The following CDH12 variants were observed in gnomAD, a reference collection of about 807,000 sequenced individuals.
CDH12 encodes cadherin-12.
CDH12 carries 41 observed loss-of-function variants against 74.1 expected under a neutral mutation model. The observed-to-expected ratio is 0.55, with a 90% CI of 0.43 to 0.72. CDH12 has a LOEUF of 0.72. Among genes scored for constraint, CDH12 ranks in the 30% least tolerant of loss-of-function variants. The pLI is 0.00. For missense variants in CDH12, 945 were observed against 977.2 expected, an observed-to-expected ratio of 0.97 and a Z score of 0.44; for synonymous variants, 399 against 355.0, an observed-to-expected ratio of 1.12 and a Z score of -1.39.
chr5:22,013,334 G>C (rs1737405586), intron 5 of CDH12, among the ~76,000 whole-genome samples: 1 of 151,988 alleles, frequency 6.6e-6, no homozygotes, highest in Non-Finnish European at 1.5e-5. Flanking sequence ...AACAGCAAGG[G>C]GCAAACCACC....
chr5:22,653,424 C>A (rs1046274649), intron 1 of CDH12, among the ~76,000 whole-genome samples: 1 of 151,460 alleles, frequency 6.6e-6, no homozygotes, highest in Non-Finnish European at 1.5e-5. Flanking sequence ...ACGACGGAGC[C>A]ATCGTTTGTG....
chr5:21,786,338 G>A (rs982696994), intron 10 of CDH12, among the ~76,000 whole-genome samples: 1 of 152,074 alleles, frequency 6.6e-6, no homozygotes, highest in South Asian at 2.1e-4. Flanking sequence ...ATTTTTAGTA[G>A]AGATGGGGTT....
At chr5:22,005,356 T>C (rs536629292) in intron 5 of CDH12, among the ~76,000 whole-genome samples, 2 of 152,286 alleles carry the variant, frequency 1.3e-5, no homozygotes, top group Admixed American at 6.5e-5. Context: ...GTATGTACCG[T>C]ATTTTCTTTA....
At chr5:22,670,438 A>G (rs914978271) in intron 1 of CDH12, among the ~76,000 whole-genome samples, 2 of 152,180 alleles carry the variant, frequency 1.3e-5, no homozygotes, top group Non-Finnish European at 2.9e-5. Flanking sequence ...TGCCTCTACC[A>G]CCTGCAGATA....
chr5:22,155,884 C>T (rs1312830242), intron 4 of CDH12, among the ~76,000 whole-genome samples: 2 of 151,938 alleles, frequency 1.3e-5, no homozygotes, highest in East Asian at 3.9e-4. Context: ...CTCATTCTGC[C>T]TTATGGCCAT....
chr5:21,911,164 T>C (rs1434557205), intron 6 of CDH12, among the ~76,000 whole-genome samples: 1 of 152,204 alleles, frequency 6.6e-6, no homozygotes, highest in Non-Finnish European at 1.5e-5. Flanking sequence ...TCTTCATTGA[T>C]GGCCATTACG....
intron 5 of CDH12, among the ~76,000 whole-genome samples, chr5:22,045,922 A>T (rs1739918872): frequency 6.6e-6 from 1 of 152,322 alleles, no homozygotes; most frequent in South Asian, 2.1e-4. Flanking sequence ...ATATTCCACA[A>T]TATCTAGAAG....
chr5:22,203,071 C>T (rs188200783), intron 4 of CDH12, among the ~76,000 whole-genome samples: 4,108 of 152,138 alleles, frequency 0.027, 85 homozygotes, highest in Non-Finnish European at 0.04. Flanking sequence ...ATTAGCATAT[C>T]CATCATTTCA....
chr5:22,062,776 C>T (rs866389887), intron 5 of CDH12, among the ~76,000 whole-genome samples: 1 of 151,970 alleles, frequency 6.6e-6, no homozygotes, highest in Non-Finnish European at 1.5e-5. Context: ...AAGAGTGTTC[C>T]CATTTCTATC....
At chr5:21,884,651 T>C (rs1752534163) in intron 6 of CDH12, among the ~76,000 whole-genome samples, 1 of 152,198 alleles carries the variant, frequency 6.6e-6, no homozygotes, top group Non-Finnish European at 1.5e-5. Flanking sequence ...ATTTTAGTAC[T>C]TGCCACCACC....
intron 4 of CDH12, among the ~76,000 whole-genome samples, chr5:22,110,055 A>C (rs1328960057): frequency 1.3e-5 from 2 of 152,202 alleles, no homozygotes; most frequent in Non-Finnish European, 2.9e-5. Flanking sequence ...TAGTTTAACA[A>C]GATTTGTTTG....
At chr5:22,496,256 C>T (rs1747103028) in intron 2 of CDH12, among the ~76,000 whole-genome samples, 2 of 152,072 alleles carry the variant, frequency 1.3e-5, no homozygotes, top group Admixed American at 1.3e-4. Context: ...CCTAAAAGGC[C>T]CAAAGGAGTC....
At chr5:22,309,659 A>G (rs945831938) in intron 3 of CDH12, among the ~76,000 whole-genome samples, 1 of 152,066 alleles carries the variant, frequency 6.6e-6, no homozygotes, top group Admixed American at 6.6e-5. Context: ...CAATATCATT[A>G]ACTATAGTCC....
chr5:22,629,362 C>G (rs1405758960), intron 1 of CDH12, among the ~76,000 whole-genome samples: 1 of 151,914 alleles, frequency 6.6e-6, no homozygotes, highest in Non-Finnish European at 1.5e-5. Flanking sequence ...GAAAAATTCT[C>G]AACAAAATAC....
chr5:21,757,747 A>G (rs1744483579), intron 13 of CDH12, among the ~76,000 whole-genome samples: 2 of 151,810 alleles, frequency 1.3e-5, no homozygotes, highest in South Asian at 4.2e-4. Context: ...TACGTTGTGG[A>G]AAATAGTCAA....
At chr5:22,749,985 C>T (rs1215988232) in intron 1 of CDH12, among the ~76,000 whole-genome samples, 2 of 152,150 alleles carry the variant, frequency 1.3e-5, no homozygotes, top group African/African-American at 4.8e-5. Flanking sequence ...CTTCATTTAC[C>T]ACCTATTCCT....
At chr5:22,258,851 C>T (rs1017672092) in intron 3 of CDH12, among the ~76,000 whole-genome samples, 21 of 152,154 alleles carry the variant, frequency 1.4e-4, no homozygotes, top group East Asian at 5.8e-4. Flanking sequence ...CCTAGGTTTG[C>T]GTTAAGTACA....
At chr5:22,785,264 CCT>C (rs976395502) in intron 1 of CDH12, among the ~76,000 whole-genome samples, 4 of 151,888 alleles carry the variant, frequency 2.6e-5, no homozygotes, top group Admixed American at 2.6e-4. Context: ...TGTTATTGCC[CCT>C]GATTATAAAT....
chr5:22,554,786 C>A (rs1176034185), intron 1 of CDH12, among the ~76,000 whole-genome samples: 1 of 152,072 alleles, frequency 6.6e-6, no homozygotes. Context: ...TTTTACATAT[C>A]TATGGCTGTG....
Sources: gnomAD v4.1 joint callset for allele counts (sites outside exome capture counted in the v4.1 genomes callset) on GRCh38, gnomAD v4.1.1 for gene constraint, MANE v1.5 for transcripts, NCBI Gene and HGNC (gene_info 2026-07-23, HGNC 2026-07-21) for gene names.